ACOT7: variants seen among roughly 807,000 people sequenced by gnomAD.
ACOT7 encodes the protein cytosolic acyl coenzyme A thioester hydrolase.
Under a neutral mutation model 40.2 loss-of-function variants are expected in ACOT7, and 12 were observed. The observed-to-expected ratio is 0.30, with a 90% CI of 0.19 to 0.48. ACOT7 has a LOEUF of 0.48. Among genes scored for constraint, ACOT7 ranks in the 20% least tolerant of loss-of-function variants. The probability of loss-of-function intolerance (pLI) is 0.99; values close to 1 mark genes in which losing one functional copy is unlikely to be tolerated. For synonymous variants in ACOT7, 228 were observed against 219.5 expected (o/e 1.04, Z -0.34); for missense variants, 395 against 530.8 (o/e 0.74, Z 2.51).
At position 6,362,085 on chromosome 1, in the gene ACOT7, T is replaced by C. The variant is rs566070910; in HGVS notation, c.144-12219A>G. ...AGGTTGTGTCTGGTTTCTACTTTTC[T>C]GGGGAAAAGACCCAGTTTTCTGCAG... On this transcript the variant is annotated intron_variant, in intron 1 of 8. Coordinates refer to ENST00000361521, the MANE Select transcript of ACOT7 (RefSeq NM_007274.4). Among the ~76,000 whole-genome samples, 10 of 152,326 alleles carry C rather than the reference T, an allele frequency of 6.6e-5. No individual in the cohort carries two copies. In the East Asian group the frequency reaches 1.9e-3, roughly 29 times the overall value.
At chr1:6,365,666 G>A (rs1278327900) in intron 1 of ACOT7, among the ~76,000 whole-genome samples, 1 of 151,444 alleles carries the variant, frequency 6.6e-6, no homozygotes, top group Non-Finnish European at 1.5e-5. Flanking sequence ...TACTCGGGAG[G>A]CTGAGGCAGA....
intron 5 of ACOT7, among the ~76,000 whole-genome samples, chr1:6,319,454 A>G (rs1314611835): frequency 1.3e-5 from 2 of 152,266 alleles, no homozygotes; most frequent in Middle Eastern, 3.4e-3. Flanking sequence ...CAGCCTCCCA[A>G]AGTGTTAGGA....
intron 1 of ACOT7, among the ~76,000 whole-genome samples, chr1:6,380,419 G>A (rs1437049104): frequency 6.6e-6 from 1 of 151,270 alleles, no homozygotes; most frequent in Non-Finnish European, 1.5e-5. Flanking sequence ...CCGACATGGT[G>A]AAACCCCCCG....
intron 8 of ACOT7, among the ~76,000 whole-genome samples, chr1:6,279,572 G>A (rs1050914607): frequency 2.0e-5 from 3 of 152,194 alleles, no homozygotes; most frequent in Admixed American, 6.5e-5. Flanking sequence ...TGTTAGTGCC[G>A]TGCTGGGGGC....
chr1:6,352,130 G>A lies in ACOT7; in HGVS notation c.144-2264C>T, dbSNP rs1641609063. 6.6e-6 allele frequency: 1 copy of A among 152,664 alleles called. No homozygotes were observed. Among genetic ancestry groups the A allele is most frequent in the Admixed American group, 6.5e-5 (1 of 15,274 alleles). 9.5% of individuals were successfully genotyped at this position (152,664 alleles called of 1,614,324 possible). A position where few individuals can be genotyped will look rare whatever the true frequency, so the allele number is the denominator to read the frequency against. On this transcript the variant is annotated intron_variant, in intron 1 of 8. Coordinates refer to ENST00000361521, the MANE Select transcript of ACOT7 (RefSeq NM_007274.4). The surrounding 1 kb of genome is among the most constrained non-coding windows in gnomAD (Gnocchi z 4.5). The stretch of plus-strand genomic sequence containing the variant: ...CAGGAAGCCAGCCCCTGCCCTCAAG[G>A]TCAGACACAACCCTCTCCCCTACAG...
intron 1 of ACOT7, among the ~76,000 whole-genome samples, chr1:6,361,207 C>A (rs1641885397): frequency 6.6e-6 from 1 of 152,154 alleles, no homozygotes; most frequent in South Asian, 2.1e-4. Flanking sequence ...TGAAACCACC[C>A]TGGGTGAAAG....
intron 3 of ACOT7, among the ~76,000 whole-genome samples, chr1:6,335,336 A>G (rs1641071600): frequency 6.6e-6 from 1 of 151,004 alleles, no homozygotes; most frequent in Non-Finnish European, 1.5e-5. Context: ...TCAAAAAAAA[A>G]AAAAAAAAAA....
chr1:6,322,338 A>T (rs1571306007), intron 5 of ACOT7, among the ~76,000 whole-genome samples: 1 of 152,134 alleles, frequency 6.6e-6, no homozygotes, highest in African/African-American at 2.4e-5. Flanking sequence ...TCTCCCACAC[A>T]CCCTGGCATG....
At chr1:6,383,963 C>T (rs111977728) in intron 1 of ACOT7, among the ~76,000 whole-genome samples, 1 of 151,784 alleles carries the variant, frequency 6.6e-6, no homozygotes, top group Non-Finnish European at 1.5e-5. Flanking sequence ...CTCGGCCTCC[C>T]AAAGTGCTGG....
Position 6,358,792 on chromosome 1 carries a change from T to C in ACOT7, c.144-8926A>G. The C allele has an allele frequency of 6.2e-7, 1 of 1,605,498 alleles. No homozygotes were observed. The highest frequency in any genetic ancestry group is 8.5e-7 in the Non-Finnish European group (1 of 1,172,336). ...TAAACAATCCACCCACAGTGGCCCC[T>C]GCACGGCCTAGACATGCCCATGACT... On this transcript the variant is annotated intron_variant, in intron 1 of 8. Transcript: ENST00000361521. This position sits in a 1 kb window ranked among gnomAD's most constrained non-coding sequence, Gnocchi z 4.1.
chr1:6,267,599 CAATAA>C (rs1418113762), intron 8 of ACOT7, among the ~76,000 whole-genome samples: 2 of 152,254 alleles, frequency 1.3e-5, no homozygotes, highest in African/African-American at 4.8e-5. Flanking sequence ...TGGCCTCTTA[CAATAA>C]ACAATGCACA....
At chr1:6,328,173 T>A (rs1244058970) in intron 4 of ACOT7, among the ~76,000 whole-genome samples, 1 of 152,032 alleles carries the variant, frequency 6.6e-6, no homozygotes, top group African/African-American at 2.4e-5. Context: ...AAAGGGATCC[T>A]CAAAAAGGCC....
intron 1 of ACOT7, among the ~76,000 whole-genome samples, chr1:6,367,961 CAG>C (rs1444896259): frequency 6.6e-6 from 1 of 152,196 alleles, no homozygotes; most frequent in Non-Finnish European, 1.5e-5. Context: ...CAGCTCTCAG[CAG>C]AGAGGGTAGC....
At chr1:6,343,384 C>T (rs1231864003) in intron 2 of ACOT7, among the ~76,000 whole-genome samples, 1 of 152,216 alleles carries the variant, frequency 6.6e-6, no homozygotes, top group Non-Finnish European at 1.5e-5. Context: ...CTGTCTGAGC[C>T]CTTTCCCAGG....
chr1:6,268,428 C>G (rs756085663), intron 8 of ACOT7, among the ~76,000 whole-genome samples: 1 of 152,232 alleles, frequency 6.6e-6, no homozygotes, highest in Admixed American at 6.5e-5. Context: ...AAAAAACTAA[C>G]TAGACCTAGA....
In ACOT7 at chr1:6,374,880, C is replaced by T. The variant is rs376363934; in HGVS notation, c.143+18377G>A. The stretch of plus-strand genomic sequence containing the variant: ...AGAGGAGAAAAACCAAGTTTGGCAT[C>T]TGCTGAAAACGATGGCTTCCCCTGT... On this transcript the variant is annotated intron_variant, in intron 1 of 8. Transcript: ENST00000361521. 2.8e-4 allele frequency among the ~76,000 whole-genome samples: 42 copies of T among 152,344 alleles called. No homozygotes were observed. The South Asian group carries it at 7.5e-3, about 27-fold the overall frequency.
chr1:6,356,270 G>C (rs1243083582), intron 1 of ACOT7, among the ~76,000 whole-genome samples: 1 of 152,166 alleles, frequency 6.6e-6, no homozygotes, highest in Non-Finnish European at 1.5e-5. Context: ...TCCAGCCTGA[G>C]GAAACTGCTT....
In ACOT7 at chr1:6,306,949, G is replaced by A; in HGVS notation, c.712+11543C>T. On this transcript the variant is annotated intron_variant, in intron 6 of 8. Transcript: ENST00000361521. The surrounding 1 kb of genome is among the most constrained non-coding windows in gnomAD (Gnocchi z 4.3). ...AGACCAAGTGAACAAGAGCGTCTTG[G>A]TGGAGGCCTCACTTGCGTCCCCTCC... 7.8e-7 allele frequency: 1 copy of A among 1,285,248 alleles called. No individual in the cohort carries two copies. The highest frequency in any genetic ancestry group is 1.5e-5 in the African/African-American group (1 of 65,864). 79.6% of individuals were successfully genotyped at this position (1,285,248 alleles called of 1,614,324 possible).
intron 1 of ACOT7, among the ~76,000 whole-genome samples, chr1:6,375,395 C>T (rs1036950956): frequency 2.6e-5 from 4 of 152,172 alleles, no homozygotes; most frequent in African/African-American, 7.2e-5. Flanking sequence ...AGGCCAGGCG[C>T]GGTGACTCAT....
Sources: allele counts gnomAD v4.1 joint callset (sites outside exome capture counted in the v4.1 genomes callset), GRCh38; gene constraint gnomAD v4.1.1; non-coding constraint Gnocchi (gnomAD v3.1); transcripts MANE v1.5; gene names NCBI Gene and HGNC (gene_info 2026-07-23, HGNC 2026-07-21).